CCDC187: variants seen among roughly 807,000 people sequenced by gnomAD.
CCDC187 encodes the protein coiled-coil domain-containing protein 187.
CCDC187 carries 32 observed loss-of-function variants against 38.0 expected under a neutral mutation model. The observed-to-expected ratio is 0.84, with a 90% CI of 0.64 to 1.13. The LOEUF (loss-of-function observed/expected upper bound fraction) is 1.13. Ranked by LOEUF, CCDC187 falls within the 50% of genes most tolerant of loss-of-function variation. CCDC187 has a pLI of 0.00. For missense variants in CCDC187, 707 were observed against 786.8 expected, an observed-to-expected ratio of 0.90 and a Z score of 1.21; for synonymous variants, 333 against 347.9, an observed-to-expected ratio of 0.96 and a Z score of 0.48.
chr9:136,285,478 G>A, intron 9 of CCDC187, 35 bp downstream of exon 9: 1 of 45,430 alleles, frequency 2.2e-5, no homozygotes, highest in African/African-American at 1.1e-4. Context: ...CAGGTGGGCA[G>A]GTGGGCAGGT....
Position 136,290,936 on chromosome 9 carries a change from C to T in CCDC187, c.1677G>A (p.Arg559=), listed in dbSNP as rs1225753471. The T allele has an allele frequency of 1.5e-5, 6 of 398,660 alleles. No individual in the cohort carries two copies. Among genetic ancestry groups the T allele is most frequent in the Non-Finnish European group, 2.7e-5 (6 of 226,202 alleles). 24.7% of individuals were successfully genotyped at this position (398,660 alleles called of 1,614,324 possible). A position where few individuals can be genotyped will look rare whatever the true frequency, so the allele number is the denominator to read the frequency against. Residue 559 remains arginine (R), a synonymous_variant, in exon 6 of 26, where the codon CGG becomes CGA. Transcript: ENST00000638797. ...ETWEDPGPRL[R]NPLERPSPPA... ...GAGGACTGGGCCTTTCCAGAGGGTTCCGCAGTCTGGGGCCAGGGTCCTCCC... is the reference window on the plus strand; with the variant it reads ...GAGGACTGGGCCTTTCCAGAGGGTTTCGCAGTCTGGGGCCAGGGTCCTCCC...
chr9:136,293,284 C>G (rs1374356285), intron 4 of CCDC187, among the ~76,000 whole-genome samples: 1 of 151,226 alleles, frequency 6.6e-6, no homozygotes, highest in African/African-American at 2.5e-5. Flanking sequence ...CACTAACATG[C>G]TCACACACTC....
chr9:136,270,144 C>A (rs1002937214), intron 14 of CCDC187, among the ~76,000 whole-genome samples: 2 of 152,224 alleles, frequency 1.3e-5, no homozygotes, highest in South Asian at 2.1e-4. Flanking sequence ...TCCAGCCCTA[C>A]GGGGCTTAGC....
Position 136,253,938 on chromosome 9 carries a change from C to T in CCDC187, c.5890G>A (p.Gly1964Ser). ...AGGACAGTGGGGGCCCCATTCCCAC[C>T]AGGCCCAGGCGCCCGGCTCTCAGCT... is the stretch of plus-strand genomic sequence containing the variant. ...PVAESRAPGP[G>S]GNGAPTVLEE... The change falls in exon 26 of 26, where the codon GGT (glycine) becomes AGT (serine). Residue 1964 changes from glycine to serine, a missense_variant. Coordinates refer to ENST00000638797, the MANE Select transcript of CCDC187 (RefSeq NM_001378188.1). 1.0e-6 allele frequency: 1 copy of T among 985,532 alleles called. No homozygotes were observed. The highest frequency in any genetic ancestry group is 1.2e-6 in the Non-Finnish European group (1 of 830,034). The allele number at this position is 985,532 out of a possible 1,614,324, so 61.0% of individuals were successfully genotyped here.
At chr9:136,288,373 G>C (rs1217540328) in intron 7 of CCDC187, among the ~76,000 whole-genome samples, 1 of 152,206 alleles carries the variant, frequency 6.6e-6, no homozygotes, top group African/African-American at 2.4e-5. Flanking sequence ...TGAGCTCCCA[G>C]GGGCCAGCCT....
At chr9:136,279,948 T>C (rs1831007057) in intron 10 of CCDC187, among the ~76,000 whole-genome samples, 1 of 139,630 alleles carries the variant, frequency 7.2e-6, no homozygotes, top group South Asian at 2.2e-4. Context: ...CCTTCCTCTC[T>C]GTGTTGATGC....
Position 136,291,664 on chromosome 9 carries a change from C to G in CCDC187, c.968-19G>C, listed in dbSNP as rs1478188107. ...CTGTCTCCTGCAAAGACAGGAGTGT[C>G]AGGGGTGAGGAGGGGAGCGGAGGGG... is the stretch of plus-strand genomic sequence containing the variant. On this transcript the variant is annotated intron_variant, in intron 5 of 25. Transcript: ENST00000638797. 3 of 398,744 alleles carry G rather than the reference C, an allele frequency of 7.5e-6. No individual in the cohort carries two copies. In the South Asian group the frequency reaches 3.8e-4, roughly 51 times the overall value. The allele number at this position is 398,744 out of a possible 1,614,324, so 24.7% of individuals were successfully genotyped here.
At position 136,303,173 on chromosome 9, in the gene CCDC187, TG is replaced by T. The variant is rs1831730550; in HGVS notation, c.263del (p.Pro88GlnfsTer68). The T allele has an allele frequency of 2.5e-6, 1 of 398,604 alleles. No individual in the cohort carries two copies. The highest frequency in any genetic ancestry group is 2.1e-5 in the African/African-American group (1 of 48,750). The allele number at this position is 398,604 out of a possible 1,614,324, so 24.7% of individuals were successfully genotyped here. On this transcript the variant is annotated frameshift_variant, in exon 2 of 26. Transcript: ENST00000638797. LOFTEE classifies it high-confidence loss of function. ...GGCTGCACGCCTTCCCCCAGGGTCC[TG>T]GTTCCTTGAGGTCGTCAGACCCGAC... ...HVVGSDDLKE[P>X]GPWGKACSLP... is the part of the protein sequence containing the mutation.
chr9:136,261,960 T>TGGCCAGGCTCTCGGGCAGC (rs782047462), intron 19 of CCDC187, among the ~76,000 whole-genome samples: 5 of 152,184 alleles, frequency 3.3e-5, no homozygotes, highest in Non-Finnish European at 5.9e-5. Flanking sequence ...CCTCCTCCCA[T>TGGCCAGGCTCTCGGGCAGC]GGCCAGGCTC....
chr9:136,305,472 C>T (rs1030666122), upstream of CCDC187, among the ~76,000 whole-genome samples: 5 of 152,198 alleles, frequency 3.3e-5, no homozygotes, highest in Non-Finnish European at 5.9e-5. Context: ...CAGGGCCATC[C>T]GAGTGGTGCA....
intron 10 of CCDC187, chr9:136,280,986 T>G (rs968868069): frequency 9.6e-5 from 16 of 166,776 alleles, no homozygotes; most frequent in Non-Finnish European, 2.0e-4. Context: ...CAACAGACAA[T>G]GATGAAGCGG....
rs1472940110 is a variant in CCDC187 at position 136,286,320 on chromosome 9, G to A, written c.2598C>T (p.Pro866=). The change falls in exon 8 of 26, where the codon CCC becomes CCT. Residue 866 remains proline, a synonymous_variant. Coordinates refer to ENST00000638797, the MANE Select transcript of CCDC187 (RefSeq NM_001378188.1). Reference sequence around the variant, plus strand: ...GCGTGGGGGCGGCAGGTAGGCTGTGGGGGCACGAGCGCAGCAGGCCCACAG... The same window carrying A: ...GCGTGGGGGCGGCAGGTAGGCTGTGAGGGCACGAGCGCAGCAGGCCCACAG... ...DPAVGLLRSC[P]HSLPAAPTLA... is the part of the protein sequence containing the mutation. 26 of 398,640 alleles carry A rather than the reference G, an allele frequency of 6.5e-5. No individual in the cohort carries two copies. Among genetic ancestry groups the A allele is most frequent in the Admixed American group, 2.6e-4 (6 of 22,734 alleles). The allele number at this position is 398,640 out of a possible 1,614,324, so 24.7% of individuals were successfully genotyped here.
chr9:136,301,458 C>T (rs1307601265), intron 2 of CCDC187, among the ~76,000 whole-genome samples: 1 of 151,936 alleles, frequency 6.6e-6, no homozygotes, highest in Non-Finnish European at 1.5e-5. Flanking sequence ...GACAGAGCTT[C>T]AGTTTGGGAA....
At position 136,252,324 on chromosome 9, in the gene CCDC187, C is replaced by T. The variant is rs1830556141; in HGVS notation, c.*1270G>A. 1 of 127,032 alleles carries T rather than the reference C, an allele frequency of 7.9e-6. No homozygotes were observed. Among genetic ancestry groups the T allele is most frequent in the Non-Finnish European group, 1.8e-5 (1 of 55,974 alleles). The allele number at this position is 127,032 out of a possible 1,614,324, so 7.9% of individuals were successfully genotyped here. ...AAGAGCCGGCCGCCCACCCAGTCCA[C>T]CCTGGGAAGGTCCAGGCGACCATCC... On this transcript the variant is annotated 3_prime_UTR_variant, in exon 26 of 26. Coordinates refer to ENST00000638797, the MANE Select transcript of CCDC187 (RefSeq NM_001378188.1).
rs1830518779 is a variant in CCDC187, at chr9:136,250,217, G to A, written c.*3377C>T. 6.1e-6 allele frequency: 1 copy of A among 164,470 alleles called. No homozygotes were observed. Among genetic ancestry groups the A allele is most frequent in the African/African-American group, 2.4e-5 (1 of 41,534 alleles). 10.2% of individuals were successfully genotyped at this position (164,470 alleles called of 1,614,324 possible). On this transcript the variant is annotated 3_prime_UTR_variant, in exon 26 of 26. Coordinates refer to ENST00000638797, the MANE Select transcript of CCDC187 (RefSeq NM_001378188.1). The stretch of plus-strand genomic sequence containing the variant: ...CCTGACGGCTCCGGCCCCCTCCAGG[G>A]CCGCTGTCCTTGGAAGCCCTGGCCC...
chr9:136,265,138 G>A (rs963257385), intron 17 of CCDC187, among the ~76,000 whole-genome samples: 1 of 152,204 alleles, frequency 6.6e-6, no homozygotes, highest in African/African-American at 2.4e-5. Flanking sequence ...CACAGCGGCC[G>A]CGACCTGTGA....
At position 136,300,820 on chromosome 9, in the gene CCDC187, C is replaced by T. The variant is rs966519677; in HGVS notation, c.626-502G>A. 1.5e-3 allele frequency among the ~76,000 whole-genome samples: 224 copies of T among 152,328 alleles called. 5 individuals carry two copies. The East Asian group carries it at 0.038, about 26-fold the overall frequency. Reference sequence around the variant, plus strand: ...TCACCCATGTTGGCCAGGCTAGTCTCGAACTCCTGACCTCACGTGATCTGC... The same window carrying T: ...TCACCCATGTTGGCCAGGCTAGTCTTGAACTCCTGACCTCACGTGATCTGC... On this transcript the variant is annotated intron_variant, in intron 2 of 25. Coordinates refer to ENST00000638797, the MANE Select transcript of CCDC187 (RefSeq NM_001378188.1).
At position 136,254,160 on chromosome 9, in the gene CCDC187, A is replaced by G. The variant is rs1830583410; in HGVS notation, c.5668T>C (p.Phe1890Leu). 1.0e-6 allele frequency: 1 copy of G among 985,328 alleles called. No individual in the cohort carries two copies. The highest frequency in any genetic ancestry group is 6.1e-5 in the Admixed American group (1 of 16,264). The allele number at this position is 985,328 out of a possible 1,614,324, so 61.0% of individuals were successfully genotyped here. ...SAGDSDSLLV[F>L]PSWTSLSEGA... ...TCACTCAAAGAGGTCCACGAAGGAA[A>G]GACCAGCAGTGAGTCCGAGTCACCG... Residue 1890 changes from phenylalanine (F) to leucine (L), a missense_variant, in exon 26 of 26, where the codon TTT (phenylalanine) becomes CTT (leucine). Transcript: ENST00000638797.
At chr9:136,270,972 A>C (rs1185508202) in intron 14 of CCDC187, among the ~76,000 whole-genome samples, 1 of 152,230 alleles carries the variant, frequency 6.6e-6, no homozygotes, top group South Asian at 2.1e-4. Flanking sequence ...ATAATTGTCC[A>C]TGATCATCTC....
Sources: allele counts gnomAD v4.1 joint callset (sites outside exome capture counted in the v4.1 genomes callset), GRCh38; gene constraint gnomAD v4.1.1; transcripts MANE v1.5; gene names NCBI Gene and HGNC (gene_info 2026-07-23, HGNC 2026-07-21).